PARVG: variants seen among roughly 807,000 people sequenced by gnomAD.
PARVG encodes the protein gamma-parvin.
PARVG carries 36 observed loss-of-function variants against 44.4 expected under a neutral mutation model. The observed-to-expected ratio is 0.81, with a 90% CI of 0.62 to 1.07. The LOEUF (loss-of-function observed/expected upper bound fraction) is 1.07. PARVG is among the 50% of genes least tolerant of loss of function. The probability of loss-of-function intolerance (pLI) is 0.00; values close to 1 mark genes in which losing one functional copy is unlikely to be tolerated. For missense variants in PARVG, 407 were observed against 407.4 expected (o/e 1.00, Z 0.01); for synonymous variants, 170 against 174.1 (o/e 0.98, Z 0.19).
intron 8 of PARVG, among the ~76,000 whole-genome samples, chr22:44,192,735 G>A (rs1413973748): frequency 2.0e-5 from 3 of 151,918 alleles, no homozygotes; most frequent in African/African-American, 2.4e-5. Context: ...TGCCCACCGG[G>A]GGTGTGGCCA....
At chr22:44,189,397 C>A in intron 6 of PARVG, 143 bp downstream of exon 6, 1 of 1,290,808 alleles carries the variant, frequency 7.7e-7, no homozygotes. Flanking sequence ...GAGGTAGAAG[C>A]CTCAGGCAGC....
rs536458464 is a variant in PARVG at position 44,189,139 on chromosome 22, A to C, written c.273A>C (p.Glu91Asp). The C allele has an allele frequency of 2.0e-5, 32 of 1,614,060 alleles. No individual in the cohort carries two copies. In the South Asian group the frequency reaches 3.5e-4, roughly 18 times the overall value. ...AGAGGCTGGCGGCGCTCAAGCTGGA[A>C]GCAGAGGACATCGCCCTGACAGCCA... ...LFQRLAALKLEAEDIALTATS... is the reference protein window; with the variant it reads ...LFQRLAALKLDAEDIALTATS... The change falls in exon 6 of 14, where the codon GAA (glutamate) becomes GAC (aspartate). Residue 91 changes from glutamate (E) to aspartate (D), a missense_variant. Glu to Asp is a conservative substitution (Grantham distance 45). Coordinates refer to ENST00000444313, the MANE Select transcript of PARVG (RefSeq NM_022141.7).
chr22:44,200,099 C>G (rs539006441), intron 12 of PARVG, among the ~76,000 whole-genome samples: 8 of 152,196 alleles, frequency 5.3e-5, no homozygotes, highest in African/African-American at 1.9e-4. Flanking sequence ...CCTCCGCCCC[C>G]GCCAGGCCCC....
rs78820742 is a variant in PARVG, at chr22:44,202,370, G to A, written c.814-3387G>A. On this transcript the variant is annotated intron_variant, in intron 12 of 13. Coordinates refer to ENST00000444313, the MANE Select transcript of PARVG (RefSeq NM_022141.7). ...CAGGCAGGACCACCTGCGGGCTGAG[G>A]GCCTGGGGCTCGGAACCCAGCTCAG... Among the ~76,000 whole-genome samples the A allele has an allele frequency of 2.9e-3, 435 of 152,326 alleles. 19 individuals are homozygous for A. In the East Asian group the frequency reaches 0.077, roughly 27 times the overall value.
intron 5 of PARVG, 95 bp downstream of exon 5, chr22:44,187,973 C>T (rs2054497717): frequency 7.9e-7 from 1 of 1,259,478 alleles, no homozygotes; most frequent in Non-Finnish European, 1.1e-6. Flanking sequence ...CTTCAGTCCC[C>T]ACAATGGTCC....
chr22:44,192,353 G>T (rs974142820), intron 8 of PARVG, among the ~76,000 whole-genome samples: 2 of 152,214 alleles, frequency 1.3e-5, no homozygotes, highest in South Asian at 4.1e-4. Context: ...CTAGGGTGGG[G>T]GCCCCTGGGT....
chr22:44,198,702 C>T lies in PARVG; in HGVS notation c.793C>T (p.Pro265Ser), dbSNP rs2054651732. The T allele has an allele frequency of 6.2e-7, 1 of 1,612,442 alleles. No homozygotes were observed. The highest frequency in any genetic ancestry group is 1.1e-5 in the South Asian group (1 of 91,050). The change falls in exon 12 of 14, where the codon CCC (proline) becomes TCC (serine). Residue 265 changes from proline to serine, a missense_variant. Physicochemically the swap from Pro to Ser is moderately conservative, Grantham distance 74. Transcript: ENST00000444313. ...FLHLKEFYLTPNSPAEMLHNV... is the reference protein window; with the variant it reads ...FLHLKEFYLTSNSPAEMLHNV... ...GCACTTAAAGGAATTCTACCTCACTCCCAACTCTCCTGCAGAAATGGTAAG... is the reference window on the plus strand; with the variant it reads ...GCACTTAAAGGAATTCTACCTCACTTCCAACTCTCCTGCAGAAATGGTAAG...
chr22:44,188,505 C>G (rs1056842325), intron 5 of PARVG: 2 of 162,930 alleles, frequency 1.2e-5, no homozygotes, highest in Admixed American at 1.1e-4. Context: ...TCGCCTGAGG[C>G]CAGCCTCTGC....
At chr22:44,183,255 G>A in intron 2 of PARVG, 63 bp from the exon 3 acceptor site, 4 of 1,456,768 alleles carry the variant, frequency 2.7e-6, no homozygotes, top group Non-Finnish European at 3.7e-6. Context: ...TAGAGAAAAT[G>A]AGGGGCTCAG....
chr22:44,196,607 G>A (rs369888996), intron 11 of PARVG, among the ~76,000 whole-genome samples, 192 bp downstream of exon 11: 572 of 32,396 alleles, frequency 0.018, no homozygotes, highest in African/African-American at 0.042. Context: ...GTGGGATCCC[G>A]GGGGTGGAGG....
chr22:44,185,940 G>A (rs1026241655), intron 4 of PARVG, 68 bp downstream of exon 4: 5 of 1,492,330 alleles, frequency 3.4e-6, no homozygotes, highest in Non-Finnish European at 4.6e-6. Flanking sequence ...GGCCTCCACG[G>A]GGCGGGGACA....
Position 44,206,566 on chromosome 22 carries a change from G to A in PARVG, c.*140G>A, listed in dbSNP as rs912281287. 1.4e-5 allele frequency: 10 copies of A among 732,340 alleles called. No individual in the cohort carries two copies. The highest frequency in any genetic ancestry group is 3.6e-5 in the African/African-American group (2 of 56,168). 45.4% of individuals were successfully genotyped at this position (732,340 alleles called of 1,614,324 possible). On this transcript the variant is annotated 3_prime_UTR_variant, in exon 14 of 14. Coordinates refer to ENST00000444313, the MANE Select transcript of PARVG (RefSeq NM_022141.7). The stretch of plus-strand genomic sequence containing the variant: ...TCCCACCCTGTCTCCTGTCTCCATC[G>A]TTGGATTATCTTTGAACCCCCTTGT...
rs3842781 is a variant in PARVG, at chr22:44,193,756, GT to G, written c.561-35del. On this transcript the variant is annotated intron_variant, in intron 8 of 13. Transcript: ENST00000444313. ...TTGAGAAATTGTAGGTTTGCGGGGTGTTTTTTTTTTAACCATTTGTTTGCTT... is the reference window on the plus strand; with the variant it reads ...TTGAGAAATTGTAGGTTTGCGGGGTGTTTTTTTTTAACCATTTGTTTGCTT... 1.7e-3 allele frequency: 2,353 copies of G among 1,410,620 alleles called. 2 individuals carry two copies. The highest frequency in any genetic ancestry group is 4.5e-3 in the Admixed American group (232 of 51,734). 87.4% of individuals were successfully genotyped at this position (1,410,620 alleles called of 1,614,324 possible).
intron 7 of PARVG, among the ~76,000 whole-genome samples, 199 bp downstream of exon 7, chr22:44,190,865 G>C (rs963125633): frequency 3.3e-5 from 5 of 152,200 alleles, no homozygotes; most frequent in Non-Finnish European, 5.9e-5. Flanking sequence ...GGTCTAGTGG[G>C]GCTGGCGGAG....
intron 8 of PARVG, 65 bp downstream of exon 8, chr22:44,192,169 G>T: frequency 6.4e-7 from 1 of 1,568,350 alleles, no homozygotes; most frequent in South Asian, 1.1e-5. Flanking sequence ...GGGCAGGGTG[G>T]GGGCCAGGGC....
chr22:44,186,435 C>A, intron 4 of PARVG: 2 of 398,272 alleles, frequency 5.0e-6, no homozygotes, highest in South Asian at 3.6e-5. Context: ...TGTCTCCAGT[C>A]TCCACATGGC....
chr22:44,191,388 ATTTTTTTT>A (rs35954868), intron 7 of PARVG, among the ~76,000 whole-genome samples: 855 of 63,460 alleles, frequency 0.013, 11 homozygotes, highest in African/African-American at 0.047. Flanking sequence ...AGTCATTTCT[ATTTTTTTT>A]TTTTTTTTTT....
intron 1 of PARVG, among the ~76,000 whole-genome samples, chr22:44,175,128 C>CA (rs1447494604): frequency 6.6e-6 from 1 of 152,110 alleles, no homozygotes; most frequent in African/African-American, 2.4e-5. Flanking sequence ...GTCTCAAAAA[C>CA]AAAAAACATT....
Position 44,182,813 on chromosome 22 carries a change from A to G in PARVG, c.-12-505A>G, listed in dbSNP as rs2054402124. 6.6e-6 allele frequency among the ~76,000 whole-genome samples: 1 copy of G among 152,166 alleles called. No homozygotes were observed. The highest frequency in any genetic ancestry group is 6.5e-5 in the Admixed American group (1 of 15,282). On this transcript the variant is annotated intron_variant, in intron 2 of 13. Transcript: ENST00000444313. This position sits in a 1 kb window ranked among gnomAD's most constrained non-coding sequence, Gnocchi z 4.6. Reference sequence around the variant, plus strand: ...TGTAATGAGGAGGAGGAAGATGAACAGTGCCTCTGTCAACCCTGGCCCTTC... The same window carrying G: ...TGTAATGAGGAGGAGGAAGATGAACGGTGCCTCTGTCAACCCTGGCCCTTC...
Sources: gnomAD v4.1 joint callset for allele counts (sites outside exome capture counted in the v4.1 genomes callset) on GRCh38, gnomAD v4.1.1 for gene constraint, Gnocchi (gnomAD v3.1) non-coding constraint, MANE v1.5 for transcripts, NCBI Gene and HGNC (gene_info 2026-07-23, HGNC 2026-07-21) for gene names.